The following CMIP variants were observed in gnomAD, a reference collection of about 807,000 sequenced individuals.
CMIP encodes c-Maf inducing protein.
In CMIP, 13 loss-of-function variants were observed where a neutral mutation model predicts 97.3. The ratio of observed to expected loss-of-function variants is 0.13; its 90% CI spans 0.09 to 0.21. CMIP has a LOEUF of 0.21. Among genes scored for constraint, CMIP ranks in the 10% least tolerant of loss-of-function variants. CMIP has a pLI of 1.00. For synonymous variants in CMIP, 538 were observed against 436.3 expected (o/e 1.23, Z -2.91); for missense variants, 847 against 1,024.9 (o/e 0.83, Z 2.37).
intron 1 of CMIP, among the ~76,000 whole-genome samples, chr16:81,515,634 T>C (rs2089898137): frequency 6.6e-6 from 1 of 152,194 alleles, no homozygotes; most frequent in Non-Finnish European, 1.5e-5. Flanking sequence ...ACCGGCTTTA[T>C]TCTTTTAGCA....
At position 81,515,553 on chromosome 16, in the gene CMIP, G is replaced by C. The variant is rs370896128; in HGVS notation, c.300+70012G>C. Among the ~76,000 whole-genome samples the C allele has an allele frequency of 4.6e-5, 7 of 152,272 alleles. No individual in the cohort carries two copies. In the East Asian group the frequency reaches 7.7e-4, roughly 17 times the overall value. The stretch of plus-strand genomic sequence containing the variant: ...CTGGGGATAATGGGAGGCGTGTTTC[G>C]TCAGCCCAAGAGCATCGTTAAGTGG... On this transcript the variant is annotated intron_variant, in intron 1 of 20. Transcript: ENST00000537098.
chr16:81,670,071 G>C lies in CMIP; in HGVS notation c.826-71G>C, dbSNP rs73600425. 2.8e-4 allele frequency: 407 copies of C among 1,441,562 alleles called. No individual in the cohort carries two copies. The African/African-American group carries it at 5.1e-3, about 18-fold the overall frequency. 89.3% of individuals were successfully genotyped at this position (1,441,562 alleles called of 1,614,324 possible). ...GAGCTCGGTCCCGCCCTTCTTTCTG[G>C]TGTCCTGGCTGCCCTGGGCTCCTGC... On this transcript the variant is annotated intron_variant, in intron 7 of 20. Transcript: ENST00000537098.
chr16:81,624,788 C>T (rs1034112175), intron 3 of CMIP, among the ~76,000 whole-genome samples: 2 of 152,176 alleles, frequency 1.3e-5, no homozygotes. Context: ...CGATTGACAA[C>T]CGCTGCTATG....
At chr16:81,586,785 C>T (rs2091390560) in intron 1 of CMIP, among the ~76,000 whole-genome samples, 1 of 152,148 alleles carries the variant, frequency 6.6e-6, no homozygotes. Flanking sequence ...CATCTGACTC[C>T]CCACTCAACT....
intron 9 of CMIP, among the ~76,000 whole-genome samples, chr16:81,677,168 A>C (rs1904357474): frequency 6.6e-6 from 1 of 152,114 alleles, no homozygotes; most frequent in Non-Finnish European, 1.5e-5. Context: ...CAAGAGTAGC[A>C]GGAAGAAATC....
intron 14 of CMIP, among the ~76,000 whole-genome samples, chr16:81,698,624 TATA>T (rs370543637): frequency 7.2e-5 from 11 of 152,250 alleles, no homozygotes; most frequent in African/African-American, 2.4e-4. Context: ...ATACACATCA[TATA>T]AAAGTGTGCA....
intron 1 of CMIP, among the ~76,000 whole-genome samples, chr16:81,460,426 A>G (rs1906834277): frequency 6.6e-6 from 1 of 152,136 alleles, no homozygotes; most frequent in African/African-American, 2.4e-5. Flanking sequence ...TGTCAGGCCC[A>G]GGGATAGAAA....
chr16:81,458,613 T>G (rs1311778274), intron 1 of CMIP, among the ~76,000 whole-genome samples: 1 of 152,154 alleles, frequency 6.6e-6, no homozygotes, highest in East Asian at 1.9e-4. Flanking sequence ...CCGCACACTG[T>G]TTCCCCATTA....
At chr16:81,683,206 A>G (rs899375225) in intron 10 of CMIP, among the ~76,000 whole-genome samples, 3 of 152,194 alleles carry the variant, frequency 2.0e-5, no homozygotes, top group African/African-American at 7.2e-5. Flanking sequence ...CGGCTGCTGT[A>G]AAGCTCAGAT....
In CMIP at chr16:81,543,545, G is replaced by T. The variant is rs188846910; in HGVS notation, c.301-64022G>T. Reference sequence around the variant, plus strand: ...TGAAAGGAAGGGGGGTCAGGGTCGTGGGGGTAAGATCTGACCCTTGGAGCC... The same window carrying T: ...TGAAAGGAAGGGGGGTCAGGGTCGTTGGGGTAAGATCTGACCCTTGGAGCC... On this transcript the variant is annotated intron_variant, in intron 1 of 20. Coordinates refer to ENST00000537098, the MANE Select transcript of CMIP (RefSeq NM_198390.3). 7.2e-4 allele frequency among the ~76,000 whole-genome samples: 110 copies of T among 152,202 alleles called. 1 individual carries two copies. Among genetic ancestry groups the T allele is most frequent in the African/African-American group, 2.6e-3 (106 of 41,528 alleles).
intron 1 of CMIP, among the ~76,000 whole-genome samples, chr16:81,503,029 GATCTACTC>G (rs2089641085): frequency 6.6e-6 from 1 of 152,198 alleles, no homozygotes; most frequent in South Asian, 2.1e-4. Context: ...AGCAGCCAGA[GATCTACTC>G]TGGCCTCCTC....
At chr16:81,709,636 G>A in intron 20 of CMIP, 110 bp from the exon 21 acceptor site, 1 of 1,221,938 alleles carries the variant, frequency 8.2e-7, no homozygotes, top group South Asian at 1.3e-5. Context: ...CACCAAGGTG[G>A]GGAGAGGGTG....
At chr16:81,581,704 C>T (rs1055390536) in intron 1 of CMIP, among the ~76,000 whole-genome samples, 4 of 152,154 alleles carry the variant, frequency 2.6e-5, no homozygotes, top group Non-Finnish European at 4.4e-5. Flanking sequence ...CTCACCATAA[C>T]ACCCTGAGGT....
At chr16:81,561,146 G>C (rs2090874902) in intron 1 of CMIP, among the ~76,000 whole-genome samples, 1 of 152,088 alleles carries the variant, frequency 6.6e-6, no homozygotes, top group Non-Finnish European at 1.5e-5. Context: ...ATAGAGACAG[G>C]GTTTCACCAT....
chr16:81,472,587 T>C (rs1414102856), intron 1 of CMIP, among the ~76,000 whole-genome samples: 1 of 152,196 alleles, frequency 6.6e-6, no homozygotes, highest in East Asian at 1.9e-4. Context: ...CTCAGGAACC[T>C]GAGCATTCAC....
At chr16:81,650,197 G>T (rs956987047) in intron 3 of CMIP, among the ~76,000 whole-genome samples, 4 of 152,130 alleles carry the variant, frequency 2.6e-5, no homozygotes, top group Non-Finnish European at 2.9e-5. Context: ...TCCTGTCCTC[G>T]TAGGGTCTCC....
intron 1 of CMIP, chr16:81,520,599 A>AGG (rs897000830): frequency 2.0e-5 from 3 of 150,528 alleles, no homozygotes; most frequent in African/African-American, 7.3e-5. Context: ...AGAGAGAGAG[A>AGG]GAGAAGATAG....
chr16:81,479,714 C>T (rs1908143835), intron 1 of CMIP, among the ~76,000 whole-genome samples: 1 of 152,196 alleles, frequency 6.6e-6, no homozygotes. Flanking sequence ...TGATATTTAG[C>T]CACTACCACC....
intron 1 of CMIP, among the ~76,000 whole-genome samples, chr16:81,469,216 G>A (rs754995884): frequency 6.6e-6 from 1 of 152,196 alleles, no homozygotes; most frequent in Non-Finnish European, 1.5e-5. Context: ...GAAGCATCTA[G>A]ACCCAAGATA....
Sources: allele counts gnomAD v4.1 joint callset (sites outside exome capture counted in the v4.1 genomes callset), GRCh38; gene constraint gnomAD v4.1.1; transcripts MANE v1.5; gene names NCBI Gene and HGNC (gene_info 2026-07-23, HGNC 2026-07-21).